The following TNC variants were observed in gnomAD, a reference collection of about 807,000 sequenced individuals.
TNC encodes tenascin C, also known as tenascin.
TNC carries 109 observed loss-of-function variants against 202.4 expected under a neutral mutation model. The observed-to-expected ratio is 0.54, with a 90% confidence interval of 0.46 to 0.63. The LOEUF is 0.63. TNC is among the 30% of genes least tolerant of loss of function. TNC has a pLI of 0.00. For missense variants in TNC, 2,756 were observed against 2,833.3 expected, an observed-to-expected ratio of 0.97 and a Z score of 0.62; for synonymous variants, 1,007 against 1,089.7, an observed-to-expected ratio of 0.92 and a Z score of 1.50.
At chr9:115,027,483 G>A (rs535571247) in intron 25 of TNC, among the ~76,000 whole-genome samples, 3 of 152,018 alleles carry the variant, frequency 2.0e-5, no homozygotes, top group African/African-American at 7.2e-5. Context: ...TCAGCTACCT[G>A]GGGGGCTGAG....
intron 2 of TNC, among the ~76,000 whole-genome samples, chr9:115,087,851 G>C (rs747912131): frequency 6.6e-6 from 1 of 151,724 alleles, no homozygotes; most frequent in African/African-American, 2.4e-5. Context: ...CCAGGCGCCC[G>C]CCACCATGCC....
In TNC at chr9:115,068,789, C is replaced by T. The variant is rs186256393; in HGVS notation, c.3215-3870G>A. On this transcript the variant is annotated intron_variant, in intron 10 of 27. Coordinates refer to ENST00000350763, the MANE Select transcript of TNC (RefSeq NM_002160.4). ...ATTCCCTTTGCTGGAAATGTCATTA[C>T]TCTTTCTCCACTTGCCCAGCCCCTT... Among the ~76,000 whole-genome samples, 202 of 152,300 alleles carry T rather than the reference C, an allele frequency of 1.3e-3. No individual in the cohort carries two copies. In the Middle Eastern group the frequency reaches 0.014, roughly 10 times the overall value.
In TNC at chr9:115,025,753, A is replaced by G. The variant is rs73551062; in HGVS notation, c.6331+781T>C. Among the ~76,000 whole-genome samples the G allele has an allele frequency of 2.7e-3, 404 of 152,360 alleles. 1 individual carries two copies. Among genetic ancestry groups the G allele is most frequent in the African/African-American group, 9.2e-3 (382 of 41,590 alleles). ...GATGAATGCAGGTGGAATATCTACA[A>G]AAGAGGATGGTACCTAGTAGGGCCT... On this transcript the variant is annotated intron_variant, in intron 26 of 27. Coordinates refer to ENST00000350763, the MANE Select transcript of TNC (RefSeq NM_002160.4).
chr9:115,077,779 T>C (rs1833988705), intron 7 of TNC, among the ~76,000 whole-genome samples, 164 bp downstream of exon 7: 1 of 152,192 alleles, frequency 6.6e-6, no homozygotes, highest in Non-Finnish European at 1.5e-5. Flanking sequence ...TTTTGAAAAA[T>C]TAATTAATAA....
intron 1 of TNC, among the ~76,000 whole-genome samples, chr9:115,099,727 G>T (rs954640840): frequency 1.3e-5 from 2 of 152,166 alleles, no homozygotes; most frequent in African/African-American, 4.8e-5. Flanking sequence ...CTTAGCAACT[G>T]GTGTGTATTG....
chr9:115,079,221 C>T, intron 6 of TNC, among the ~76,000 whole-genome samples: 1 of 150,608 alleles, frequency 6.6e-6, no homozygotes, highest in Non-Finnish European at 1.5e-5. Flanking sequence ...CTTTCTTCTT[C>T]TTCTCCTTTT....
intron 1 of TNC, among the ~76,000 whole-genome samples, chr9:115,101,492 C>T (rs1588215427): frequency 6.6e-6 from 1 of 152,184 alleles, no homozygotes; most frequent in Non-Finnish European, 1.5e-5. Flanking sequence ...GGGTTACAGG[C>T]GTGAGCCACT....
At chr9:115,059,214 A>G (rs571118763) in intron 14 of TNC, among the ~76,000 whole-genome samples, 75 of 152,322 alleles carry the variant, frequency 4.9e-4, no homozygotes, top group South Asian at 1.2e-3. Context: ...AGGGTAATTC[A>G]GTTCTCTTAT....
At chr9:115,049,777 C>G (rs1458946458) in intron 15 of TNC, among the ~76,000 whole-genome samples, 4 of 151,470 alleles carry the variant, frequency 2.6e-5, no homozygotes, top group African/African-American at 9.7e-5. Context: ...TGGAAACTTA[C>G]AAAGAGATAA....
intron 1 of TNC, among the ~76,000 whole-genome samples, chr9:115,097,559 G>A (rs182811890): frequency 6.6e-6 from 1 of 152,292 alleles, no homozygotes; most frequent in East Asian, 1.9e-4. Flanking sequence ...TATTTGAGAT[G>A]TACTTGAAAG....
At position 115,048,407 on chromosome 9, in the gene TNC, G is replaced by C; in HGVS notation, c.4705C>G (p.Leu1569Val). Residue 1569 changes from leucine to valine, a missense_variant, in exon 16 of 28, where the codon CTG (leucine) becomes GTG (valine). This residue lies in a region of TNC where 2,559 missense variants were observed against 2,546.0 expected (regional missense o/e 1.01). Transcript: ENST00000350763. ...AGTGTGAATTCCTGGGGGTCCAGCA[G>C]CTTCCCAGAATCCACCACCGTTACT... ...FLVTVVDSGK[L>V]LDPQEFTLSG... 6.2e-7 allele frequency: 1 copy of C among 1,614,062 alleles called. No homozygotes were observed. The highest frequency in any genetic ancestry group is 8.5e-7 in the Non-Finnish European group (1 of 1,179,978).
intron 1 of TNC, among the ~76,000 whole-genome samples, chr9:115,095,227 C>T (rs972034790): frequency 1.3e-5 from 2 of 151,876 alleles, no homozygotes; most frequent in Admixed American, 1.3e-4. Context: ...AAATGGCAAA[C>T]AGTCTTTGGT....
At chr9:115,104,006 G>A (rs951629663) in intron 1 of TNC, among the ~76,000 whole-genome samples, 2 of 152,098 alleles carry the variant, frequency 1.3e-5, no homozygotes, top group African/African-American at 4.8e-5. Flanking sequence ...GCCCTGGTGT[G>A]GTCTGGTTTC....
intron 1 of TNC, among the ~76,000 whole-genome samples, chr9:115,112,194 G>A (rs1260501965): frequency 6.6e-6 from 1 of 152,176 alleles, no homozygotes; most frequent in African/African-American, 2.4e-5. Flanking sequence ...TGGCTTCCAA[G>A]AGCAAGAGTC....
At chr9:115,048,883 G>A (rs1831421083) in intron 15 of TNC, among the ~76,000 whole-genome samples, 1 of 151,776 alleles carries the variant, frequency 6.6e-6, no homozygotes. Context: ...CAAATAGGTT[G>A]CATTTTGTTG....
intron 17 of TNC, among the ~76,000 whole-genome samples, chr9:115,043,421 C>G (rs1830926894): frequency 6.6e-6 from 1 of 152,166 alleles, no homozygotes; most frequent in South Asian, 2.1e-4. Flanking sequence ...ACATGGGTCT[C>G]TGGAGCCTGA....
intron 5 of TNC, among the ~76,000 whole-genome samples, chr9:115,082,264 C>T (rs1834361137): frequency 6.6e-6 from 1 of 152,208 alleles, no homozygotes; most frequent in African/African-American, 2.4e-5. Flanking sequence ...GTTGGATAGT[C>T]ACACAGCTGG....
chr9:115,032,393 A>C (rs1175713128), intron 22 of TNC, among the ~76,000 whole-genome samples: 1 of 152,178 alleles, frequency 6.6e-6, no homozygotes, highest in Non-Finnish European at 1.5e-5. Flanking sequence ...AGAAATGGGG[A>C]GCCTTGAAAG....
At chr9:115,094,878 T>C (rs1835517625) in intron 1 of TNC, among the ~76,000 whole-genome samples, 1 of 148,896 alleles carries the variant, frequency 6.7e-6, no homozygotes, top group Non-Finnish European at 1.5e-5. Context: ...TGTGCGTTTA[T>C]GTGCTGGGGA....
Sources: gnomAD v4.1 joint callset for allele counts (sites outside exome capture counted in the v4.1 genomes callset) on GRCh38, gnomAD v4.1.1 for gene constraint, gnomAD v4.1.1 regional missense constraint, MANE v1.5 for transcripts, NCBI Gene and HGNC (gene_info 2026-07-23, HGNC 2026-07-21) for gene names.